The following GLT8D2 variants were observed in gnomAD, a reference collection of about 807,000 sequenced individuals.
The protein encoded by GLT8D2 is glycosyltransferase 8 domain containing 2.
Under a neutral mutation model 44.5 loss-of-function variants are expected in GLT8D2, and 45 were observed. That is an observed-to-expected ratio of 1.01 (90% CI 0.80 to 1.30). The LOEUF is 1.30. Among genes scored for constraint, GLT8D2 ranks in the 50% most tolerant of loss-of-function variants. The probability of loss-of-function intolerance (pLI) is 0.00; values close to 1 mark genes in which losing one functional copy is unlikely to be tolerated. For missense variants in GLT8D2, 400 were observed against 430.4 expected (o/e 0.93, Z 0.62); for synonymous variants, 156 against 157.2 (o/e 0.99, Z 0.06).
intron 5 of GLT8D2, among the ~76,000 whole-genome samples, chr12:104,000,325 A>G (rs74756668): frequency 0.051 from 7,718 of 152,288 alleles, 431 homozygotes; most frequent in East Asian, 0.31. Context: ...AGTGTGTGGG[A>G]AAAGTGTTCA....
At chr12:104,033,788 A>C (rs192657731) in intron 1 of GLT8D2, among the ~76,000 whole-genome samples, 6 of 110,776 alleles carry the variant, frequency 5.4e-5, no homozygotes, top group Non-Finnish European at 1.1e-4. Context: ...GTGTGTGTGT[A>C]TATATGTGTG....
At chr12:104,005,009 G>A (rs940265441) in intron 4 of GLT8D2, among the ~76,000 whole-genome samples, 1 of 152,146 alleles carries the variant, frequency 6.6e-6, no homozygotes, top group African/African-American at 2.4e-5. Context: ...AATCAAAATA[G>A]CATGGTACTG....
At chr12:104,060,769 A>T (rs1882579073) in intron 1 of GLT8D2, among the ~76,000 whole-genome samples, 1 of 152,138 alleles carries the variant, frequency 6.6e-6, no homozygotes, top group African/African-American at 2.4e-5. Context: ...GAAAAAATTT[A>T]AAAACTAGCC....
chr12:104,001,728 C>T (rs1366526916), intron 5 of GLT8D2, among the ~76,000 whole-genome samples: 2 of 147,868 alleles, frequency 1.4e-5, no homozygotes, highest in East Asian at 3.9e-4. Context: ...TTTGGAGATG[C>T]AGTCTCACTC....
chr12:104,016,683 A>G (rs1414368548), intron 3 of GLT8D2, among the ~76,000 whole-genome samples: 1 of 110,536 alleles, frequency 9.0e-6, no homozygotes, highest in Non-Finnish European at 1.9e-5. Flanking sequence ...AGAGAGAAAG[A>G]AAAGAAAGAA....
chr12:104,041,358 C>T (rs1008893065), intron 1 of GLT8D2, among the ~76,000 whole-genome samples: 4 of 152,108 alleles, frequency 2.6e-5, no homozygotes, highest in East Asian at 3.9e-4. Context: ...AGGTTGCAGT[C>T]GGCCAAGATC....
chr12:104,056,931 G>A (rs997555911), intron 1 of GLT8D2, among the ~76,000 whole-genome samples: 6 of 152,186 alleles, frequency 3.9e-5, no homozygotes, highest in South Asian at 4.1e-4. Flanking sequence ...AAAAATGGAC[G>A]ATAGAATTTG....
intron 3 of GLT8D2, 61 bp from the exon 4 acceptor site, chr12:104,015,166 G>T: frequency 7.6e-7 from 1 of 1,314,038 alleles, no homozygotes; most frequent in Non-Finnish European, 1.1e-6. Flanking sequence ...ACGTGACAAA[G>T]TTTAGAATGG....
intron 4 of GLT8D2, among the ~76,000 whole-genome samples, chr12:104,008,706 C>T (rs113460467): frequency 0.027 from 4,062 of 152,356 alleles, 83 homozygotes; most frequent in Middle Eastern, 0.1. Flanking sequence ...ATCACAGGCC[C>T]GGAGGCCTAG....
intron 4 of GLT8D2, among the ~76,000 whole-genome samples, chr12:104,010,101 T>A (rs141554557): frequency 7.2e-4 from 110 of 152,354 alleles, no homozygotes; most frequent in Middle Eastern, 3.4e-3. Flanking sequence ...ATATGTTACC[T>A]GCTGGCTGTG....
intron 8 of GLT8D2, among the ~76,000 whole-genome samples, chr12:103,994,942 G>A (rs1873224647): frequency 6.6e-6 from 1 of 152,098 alleles, no homozygotes; most frequent in African/African-American, 2.4e-5. Flanking sequence ...CTCAGTCAGT[G>A]GCAACTCTAT....
At chr12:104,014,270 G>A in intron 4 of GLT8D2, 1 of 700,414 alleles carries the variant, frequency 1.4e-6, no homozygotes, top group Non-Finnish European at 2.6e-6. Context: ...CCGGAGGATT[G>A]CTTGAGCCCT....
At chr12:104,031,435 A>G (rs1879243608) in intron 1 of GLT8D2, 2 of 1,612,152 alleles carry the variant, frequency 1.2e-6, no homozygotes, top group Admixed American at 3.3e-5. Context: ...TTGTCTATGA[A>G]TTGGACAAGA....
At chr12:104,032,879 AT>A (rs35467561) in intron 1 of GLT8D2, among the ~76,000 whole-genome samples, 215 of 143,004 alleles carry the variant, frequency 1.5e-3, no homozygotes, top group Middle Eastern at 3.6e-3. Flanking sequence ...TTGCAGCACT[AT>A]TTTTTTTTTT....
intron 3 of GLT8D2, among the ~76,000 whole-genome samples, chr12:104,016,155 T>A (rs1304371532): frequency 1.3e-5 from 2 of 152,220 alleles, no homozygotes; most frequent in African/African-American, 4.8e-5. Flanking sequence ...CCTTGTCGTG[T>A]TCCAGATGTA....
Position 103,991,238 on chromosome 12 carries a change from G to C in GLT8D2, c.881-1661C>G, listed in dbSNP as rs191165763. ...GTCTAGCTCTGTCACCCAGACTGGA[G>C]TGCAGTGGCATGATTTCTGCTCAGT... is the stretch of plus-strand genomic sequence containing the variant. On this transcript the variant is annotated intron_variant, in intron 10 of 10. Transcript: ENST00000360814. Among the ~76,000 whole-genome samples, 15 of 152,248 alleles carry C rather than the reference G, an allele frequency of 9.9e-5. No homozygotes were observed. In the East Asian group the frequency reaches 2.3e-3, roughly 23 times the overall value.
intron 1 of GLT8D2, among the ~76,000 whole-genome samples, chr12:104,038,897 C>A (rs1157305755): frequency 1.3e-5 from 2 of 152,150 alleles, no homozygotes; most frequent in African/African-American, 2.4e-5. Context: ...TCAAACTATA[C>A]TAAAAGGCTA....
chr12:104,003,428 C>A, intron 4 of GLT8D2, 122 bp from the exon 5 acceptor site: 1 of 822,116 alleles, frequency 1.2e-6, no homozygotes, highest in Non-Finnish European at 1.9e-6. Context: ...TGATTGTTCT[C>A]CAATATCTAG....
chr12:103,991,047 A>AT (rs1239542843), intron 10 of GLT8D2, among the ~76,000 whole-genome samples: 1 of 152,156 alleles, frequency 6.6e-6, no homozygotes, highest in African/African-American at 2.4e-5. Context: ...TTTTCAAATG[A>AT]TTTTTGTGTA....
Sources: gnomAD v4.1 joint callset for allele counts (sites outside exome capture counted in the v4.1 genomes callset) on GRCh38, gnomAD v4.1.1 for gene constraint, MANE v1.5 for transcripts, NCBI Gene and HGNC (gene_info 2026-07-23, HGNC 2026-07-21) for gene names.